Variants in CCNL1 observed in about 807,000 individuals in gnomAD.
CCNL1 encodes the protein cyclin L1.
CCNL1 carries 13 observed loss-of-function variants against 60.6 expected under a neutral mutation model. That is an observed-to-expected ratio of 0.21 (90% CI 0.14 to 0.34). The LOEUF is 0.34. Among genes scored for constraint, CCNL1 ranks in the 10% least tolerant of loss-of-function variants. CCNL1 has a pLI of 1.00. For missense variants in CCNL1, 481 were observed against 664.3 expected, an observed-to-expected ratio of 0.72 and a Z score of 3.03; for synonymous variants, 270 against 244.3, an observed-to-expected ratio of 1.10 and a Z score of -0.98.
chr3:157,149,303 G>A lies in CCNL1; in HGVS notation c.1216C>T (p.His406Tyr), dbSNP rs1737990252. ...RSRTRSRSRSHTPRRHYNNRR... is the reference protein window; with the variant it reads ...RSRTRSRSRSYTPRRHYNNRR... ...TTTACTTACTGTCTTCTTGGAGTAT[G>A]TGATCTAGAACGTGATCGTGTTCTT... The change falls in exon 10 of 11, where the codon CAT becomes TAT. Residue 406 changes from histidine (H) to tyrosine (Y), a missense_variant. Physicochemically the swap from His to Tyr is moderately conservative, Grantham distance 83. Transcript: ENST00000295926. 1.2e-6 allele frequency: 2 copies of A among 1,612,336 alleles called. No individual in the cohort carries two copies. The highest frequency in any genetic ancestry group is 1.7e-6 in the Non-Finnish European group (2 of 1,178,500).
At chr3:157,145,807 G>A (rs1413755030), downstream of CCNL1, among the ~76,000 whole-genome samples, 1 of 152,172 alleles carries the variant, frequency 6.6e-6, no homozygotes, top group African/African-American at 2.4e-5. Context: ...TGTGTTCAGT[G>A]ACAGCACAGA....
intron 5 of CCNL1, 69 bp downstream of exon 5, chr3:157,152,107 GA>G: frequency 6.3e-7 from 1 of 1,576,728 alleles, no homozygotes; most frequent in Non-Finnish European, 8.6e-7. Context: ...TTTGGAAAGG[GA>G]AAACGAAACT....
rs1029844869 is a variant in CCNL1 at position 157,148,492 on chromosome 3, C to A, written c.1330G>T (p.Gly444Cys). ...SESPRRHHNHGSPHLKAKHTR... is the reference protein window; with the variant it reads ...SESPRRHHNHCSPHLKAKHTR... ...TGCTTGGCCTTAAGGTGAGGAGAAC[C>A]ATGATTATGATGTCTTCGAGGGCTT... The change falls in exon 11 of 11, where the codon GGT becomes TGT. Residue 444 changes from glycine (G) to cysteine (C), a missense_variant. Transcript: ENST00000295926. The A allele has an allele frequency of 1.9e-6, 3 of 1,614,136 alleles. No individual in the cohort carries two copies. Among genetic ancestry groups the A allele is most frequent in the Non-Finnish European group, 2.5e-6 (3 of 1,180,024 alleles).
At chr3:157,159,288 G>A (rs1738870594) in intron 2 of CCNL1, 117 bp downstream of exon 2, 4 of 876,874 alleles carry the variant, frequency 4.6e-6, no homozygotes, top group Non-Finnish European at 7.2e-6. Context: ...GTGAGAAGTA[G>A]GTACAAAGGC....
At position 157,149,295 on chromosome 3, in the gene CCNL1, T is replaced by C. The variant is rs145857908; in HGVS notation, c.1224A>G (p.Pro408=). 5.0e-6 allele frequency: 8 copies of C among 1,610,664 alleles called. No individual in the cohort carries two copies. The highest frequency in any genetic ancestry group is 6.8e-6 in the Non-Finnish European group (8 of 1,176,976). Residue 408 remains proline, a synonymous_variant, in exon 10 of 11, where the codon CCA becomes CCG. Coordinates refer to ENST00000295926, the MANE Select transcript of CCNL1 (RefSeq NM_020307.4). ...RTRSRSRSHT[P]RRHYNNRRSR... ...AGAAAACATTTACTTACTGTCTTCT[T>C]GGAGTATGTGATCTAGAACGTGATC...
At chr3:157,159,151 G>T in intron 2 of CCNL1, 176 bp from the exon 3 acceptor site, 1 of 630,626 alleles carries the variant, frequency 1.6e-6, no homozygotes, top group Non-Finnish European at 2.8e-6. Flanking sequence ...CTTAATTTTG[G>T]TTCCAGAGTC....
intron 5 of CCNL1, chr3:157,150,897 A>G: frequency 6.1e-6 from 6 of 984,332 alleles, no homozygotes; most frequent in Non-Finnish European, 7.2e-6. Flanking sequence ...GATACTTAGA[A>G]AATCTAGATA....
At chr3:157,155,847 G>T (rs977098618) in intron 3 of CCNL1, among the ~76,000 whole-genome samples, 5 of 152,086 alleles carry the variant, frequency 3.3e-5, no homozygotes, top group Admixed American at 2.6e-4. Context: ...CTTTAAAAAA[G>T]AAGTCTTCAT....
downstream of CCNL1, among the ~76,000 whole-genome samples, chr3:157,147,253 G>GA (rs1455943449): frequency 1.3e-5 from 2 of 152,030 alleles, no homozygotes; most frequent in Non-Finnish European, 2.9e-5. Flanking sequence ...CCAAAATGTT[G>GA]AAAAAAATAG....
At chr3:157,156,808 G>C (rs1033112219) in intron 3 of CCNL1, 1 of 656,132 alleles carries the variant, frequency 1.5e-6, no homozygotes, top group Non-Finnish European at 2.2e-6. Context: ...AATACTGATA[G>C]TACTTTCTAA....
chr3:157,150,640 T>G, intron 5 of CCNL1: 1 of 1,161,794 alleles, frequency 8.6e-7, no homozygotes, highest in Non-Finnish European at 1.1e-6. Flanking sequence ...AACTAGAAAT[T>G]ACTCCTAAAA....
chr3:157,150,002 A>G (rs751768910), intron 7 of CCNL1, 25 bp from the exon 8 acceptor site: 2 of 1,610,996 alleles, frequency 1.2e-6, no homozygotes, highest in African/African-American at 2.7e-5. Context: ...AAAAGTTAGT[A>G]TTTCTTCCTT....
chr3:157,143,638 T>A (rs114649645), downstream of CCNL1, among the ~76,000 whole-genome samples: 1,053 of 152,222 alleles, frequency 6.9e-3, 13 homozygotes, highest in African/African-American at 0.024. Flanking sequence ...TGGTAAGCAT[T>A]ATGAAAAAAT....
rs1310267118 is a variant in CCNL1 at position 157,159,387 on chromosome 3, C to T, written c.378+18G>A. On this transcript the variant is annotated intron_variant, in intron 2 of 10. Coordinates refer to ENST00000295926, the MANE Select transcript of CCNL1 (RefSeq NM_020307.4). ...TCCGGATGAAGAAATCCCTTTTACC[C>T]GCCTCCGCTGTGCTTACCTCGAAAC... The T allele has an allele frequency of 4.3e-6, 7 of 1,613,038 alleles. No homozygotes were observed. The highest frequency in any genetic ancestry group is 5.1e-6 in the Non-Finnish European group (6 of 1,179,074).
chr3:157,153,308 T>C, intron 3 of CCNL1, 152 bp from the exon 4 acceptor site: 1 of 644,894 alleles, frequency 1.6e-6, no homozygotes, highest in African/African-American at 1.8e-5. Context: ...TCTTGTGCTG[T>C]CCAAGTTATG....
chr3:157,147,859 A>T lies in CCNL1; in HGVS notation c.*382T>A, dbSNP rs1737852422. 7 of 993,974 alleles carry T rather than the reference A, an allele frequency of 7.0e-6. No individual in the cohort carries two copies. The highest frequency in any genetic ancestry group is 7.2e-6 in the Non-Finnish European group (6 of 835,648). The allele number at this position is 993,974 out of a possible 1,614,324, so 61.6% of individuals were successfully genotyped here. ...AAATCTTTACACATGCAGACAAACC[A>T]GTGTTAAGAAAGTATTCACCATCAT... On this transcript the variant is annotated 3_prime_UTR_variant, in exon 11 of 11. Coordinates refer to ENST00000295926, the MANE Select transcript of CCNL1 (RefSeq NM_020307.4).
chr3:157,160,085 C>A lies in CCNL1; in HGVS notation c.10G>T (p.Gly4Trp). ...GCAGCAGTAGCTGTCGAATGAGGCCCGGACGCCATAGTCTTAGCGAGCCGC... is the reference window on the plus strand; with the variant it reads ...GCAGCAGTAGCTGTCGAATGAGGCCAGGACGCCATAGTCTTAGCGAGCCGC... MAS[G>W]PHSTATAAAA... The change falls in exon 1 of 11, where the codon GGG becomes TGG. Residue 4 changes from glycine to tryptophan, a missense_variant. Gly to Trp is a radical substitution (Grantham distance 184). Around this residue, in one of 5 missense-constraint regions of CCNL1, gnomAD observed 65 missense variants for 57.5 expected, o/e 1.13. Coordinates refer to ENST00000295926, the MANE Select transcript of CCNL1 (RefSeq NM_020307.4). The A allele has an allele frequency of 1.3e-6, 2 of 1,550,760 alleles. No homozygotes were observed. The highest frequency in any genetic ancestry group is 1.7e-6 in the Non-Finnish European group (2 of 1,148,240).
intron 3 of CCNL1, chr3:157,154,422 G>A (rs1738429584): frequency 6.6e-6 from 1 of 152,084 alleles, no homozygotes; most frequent in African/African-American, 2.4e-5. Context: ...TTCATTTTCA[G>A]CCAAAAGACT....
At chr3:157,149,408 A>C in intron 9 of CCNL1, 23 bp from the exon 10 acceptor site, 1 of 1,610,596 alleles carries the variant, frequency 6.2e-7, no homozygotes. Context: ...ATGACATATT[A>C]GTTACAAACT....
Sources: allele counts gnomAD v4.1 joint callset (sites outside exome capture counted in the v4.1 genomes callset), GRCh38; gene constraint gnomAD v4.1.1; regional missense constraint gnomAD v4.1.1; transcripts MANE v1.5; gene names NCBI Gene and HGNC (gene_info 2026-07-23, HGNC 2026-07-21).